The following ANKRD62 variants were observed in gnomAD, a reference collection of about 807,000 sequenced individuals.
ANKRD62 encodes the protein ankyrin repeat domain 62, also known as ankyrin repeat domain-containing protein 62.
Under a neutral mutation model 98.8 loss-of-function variants are expected in ANKRD62, and 61 were observed. That is an observed-to-expected ratio of 0.62 (90% CI 0.50 to 0.76). The LOEUF is 0.76. ANKRD62 is among the 30% of genes least tolerant of loss of function. The pLI, the probability that ANKRD62 is intolerant of heterozygous loss-of-function variation, is 0.00. For missense variants in ANKRD62, 933 were observed against 1,082.9 expected (o/e 0.86, Z 1.94); for synonymous variants, 341 against 367.9 (o/e 0.93, Z 0.84).
At position 12,126,356 on chromosome 18, in the gene ANKRD62, A is replaced by G. The variant is rs1303106895; in HGVS notation, c.2535A>G (p.Gln845=). 2 of 1,512,274 alleles carry G rather than the reference A, an allele frequency of 1.3e-6. No individual in the cohort carries two copies. The highest frequency in any genetic ancestry group is 2.8e-5 in the African/African-American group (2 of 71,280). 93.7% of individuals were successfully genotyped at this position (1,512,274 alleles called of 1,614,324 possible). A position where few individuals can be genotyped will look rare whatever the true frequency, so the allele number is the denominator to read the frequency against. ...ECTLLKERQC[Q]YEKEKEEREV... ...CTCTTTTAAAAGAAAGACAATGCCA[A>G]TATGAAAAAGAGAAAGAAGAAAGAG... The change falls in exon 13 of 14, where the codon CAA becomes CAG. Residue 845 remains glutamine, a synonymous_variant. Transcript: ENST00000587848.
At chr18:12,115,615 A>G in intron 10 of ANKRD62, 81 bp downstream of exon 10, 1 of 1,243,424 alleles carries the variant, frequency 8.0e-7, no homozygotes, top group Non-Finnish European at 1.1e-6. Context: ...GGCACCATAG[A>G]ACACTGATGT....
the ANKRD62 span, among the ~76,000 whole-genome samples, chr18:12,161,208 T>A: frequency 6.6e-6 from 1 of 152,188 alleles, no homozygotes; most frequent in Non-Finnish European, 1.5e-5. Flanking sequence ...ATTTTTTTAT[T>A]TATACAATTT....
At chr18:12,146,488 C>T in the ANKRD62 span, among the ~76,000 whole-genome samples, 2 of 152,166 alleles carry the variant, frequency 1.3e-5, no homozygotes, top group Non-Finnish European at 2.9e-5. Context: ...TTCTGTTTCC[C>T]AGGCTGGAGT....
intron 10 of ANKRD62, among the ~76,000 whole-genome samples, chr18:12,116,972 A>G (rs935450014): frequency 6.6e-6 from 1 of 152,130 alleles, no homozygotes; most frequent in African/African-American, 2.4e-5. Context: ...GTCTTTCTAT[A>G]GTTTATCAGA....
chr18:12,136,873 G>T, the ANKRD62 span, among the ~76,000 whole-genome samples: 1 of 152,154 alleles, frequency 6.6e-6, no homozygotes, highest in Non-Finnish European at 1.5e-5. Context: ...GTATAAGAAT[G>T]CCTGTGATTT....
intron 10 of ANKRD62, among the ~76,000 whole-genome samples, chr18:12,118,066 A>G (rs1338414056): frequency 6.6e-6 from 1 of 152,162 alleles, no homozygotes; most frequent in African/African-American, 2.4e-5. Flanking sequence ...CTACATTGGC[A>G]CATCAGAATC....
chr18:12,095,737 A>T (rs1262102913), intron 3 of ANKRD62, 127 bp downstream of exon 3: 6 of 886,070 alleles, frequency 6.8e-6, no homozygotes, highest in Non-Finnish European at 8.1e-6. Context: ...TTTGCTTTAC[A>T]TACAACTATT....
intron 10 of ANKRD62, among the ~76,000 whole-genome samples, chr18:12,118,958 T>C (rs1330725755): frequency 2.0e-5 from 3 of 152,128 alleles, no homozygotes; most frequent in Non-Finnish European, 2.9e-5. Context: ...TAGTGTTGAA[T>C]TGTATTATTT....
At chr18:12,110,460 A>AT (rs1568061622) in intron 8 of ANKRD62, among the ~76,000 whole-genome samples, 1 of 152,186 alleles carries the variant, frequency 6.6e-6, no homozygotes, top group Non-Finnish European at 1.5e-5. Flanking sequence ...TATGTGTATA[A>AT]TTTTTTAAAT....
intron 7 of ANKRD62, among the ~76,000 whole-genome samples, chr18:12,103,743 A>C (rs1336685649): frequency 6.6e-6 from 1 of 152,152 alleles, no homozygotes; most frequent in African/African-American, 2.4e-5. Context: ...TATCAAGAGA[A>C]TCAGACCTTG....
chr18:12,102,789 G>A (rs1196009851), intron 6 of ANKRD62: 3 of 984,318 alleles, frequency 3.0e-6, no homozygotes, highest in Non-Finnish European at 3.6e-6. Flanking sequence ...TATTATAAAG[G>A]TAATATTAGG....
At chr18:12,169,550 A>AT in the ANKRD62 span, among the ~76,000 whole-genome samples, 2 of 151,764 alleles carry the variant, frequency 1.3e-5, no homozygotes, top group Non-Finnish European at 1.5e-5. Context: ...TTTCTTGAGG[A>AT]TTTTTTGCAT....
the ANKRD62 span, among the ~76,000 whole-genome samples, chr18:12,146,313 C>T: frequency 6.6e-5 from 10 of 152,264 alleles, no homozygotes; most frequent in South Asian, 6.2e-4. Context: ...AGGATCAGGC[C>T]GCCATCTTTG....
chr18:12,107,590 C>G, intron 8 of ANKRD62, 123 bp downstream of exon 8: 1 of 727,730 alleles, frequency 1.4e-6, no homozygotes, highest in Non-Finnish European at 1.9e-6. Flanking sequence ...TCTGCCTTGC[C>G]TGGTAATCAT....
rs1220558685 is a variant in ANKRD62 at position 12,126,295 on chromosome 18, T to C, written c.2474T>C (p.Leu825Pro). 6.5e-7 allele frequency: 1 copy of C among 1,535,728 alleles called. No homozygotes were observed. Among genetic ancestry groups the C allele is most frequent in the Admixed American group, 2.0e-5 (1 of 50,950 alleles). The change falls in exon 13 of 14, where the codon CTA becomes CCA. Residue 825 changes from leucine to proline, a missense_variant. Coordinates refer to ENST00000587848, the MANE Select transcript of ANKRD62 (RefSeq NM_001277333.2). The part of the protein sequence containing the change: ...VEKLQAECRK[L>P]EENNKGLMKE... The stretch of plus-strand genomic sequence containing the variant: ...AAACTTCAAGCTGAGTGTAGAAAGC[T>C]AGAAGAGAACAATAAGGGGTTGATG...
At chr18:12,122,192 T>C (rs1909795889) in intron 10 of ANKRD62, 111 bp from the exon 11 acceptor site, 2 of 720,954 alleles carry the variant, frequency 2.8e-6, no homozygotes, top group Non-Finnish European at 4.3e-6. Flanking sequence ...GCACTTAATA[T>C]GTACATATTC....
intron 4 of ANKRD62, among the ~76,000 whole-genome samples, chr18:12,096,559 G>C (rs1158944898): frequency 6.6e-6 from 1 of 152,158 alleles, no homozygotes; most frequent in Non-Finnish European, 1.5e-5. Flanking sequence ...TGAGTCATAT[G>C]ATCTTAACTA....
chr18:12,131,599 G>C (rs1910005939), downstream of ANKRD62, among the ~76,000 whole-genome samples: 1 of 152,100 alleles, frequency 6.6e-6, no homozygotes, highest in Admixed American at 6.5e-5. Context: ...GAAAACAAAG[G>C]CATCATCAAC....
At chr18:12,105,315 T>G (rs1314914584) in intron 7 of ANKRD62, among the ~76,000 whole-genome samples, 1 of 152,248 alleles carries the variant, frequency 6.6e-6, no homozygotes, top group Non-Finnish European at 1.5e-5. Context: ...ATGTGCATTC[T>G]TCTCCACCAC....
Sources: gnomAD v4.1 joint callset for allele counts (sites outside exome capture counted in the v4.1 genomes callset) on GRCh38, gnomAD v4.1.1 for gene constraint, MANE v1.5 for transcripts, NCBI Gene and HGNC (gene_info 2026-07-23, HGNC 2026-07-21) for gene names.